Variants in MARCHF6 observed in about 807,000 individuals in gnomAD.
MARCHF6 encodes membrane associated ring-CH-type finger 6, also known as E3 ubiquitin-protein ligase MARCHF6.
In MARCHF6, 31 loss-of-function variants were observed where a neutral mutation model predicts 133.7. That is an observed-to-expected ratio of 0.23 (90% CI 0.17 to 0.31). MARCHF6 has a LOEUF of 0.31. Ranked by LOEUF, MARCHF6 falls within the 10% of genes least tolerant of loss-of-function variation. The probability of loss-of-function intolerance (pLI) is 1.00; values close to 1 mark genes in which losing one functional copy is unlikely to be tolerated. For synonymous variants in MARCHF6, 395 were observed against 402.5 expected (o/e 0.98, Z 0.22); for missense variants, 723 against 1,121.6 (o/e 0.64, Z 5.08).
chr5:10,354,305 C>T (rs1184751282), intron 1 of MARCHF6, among the ~76,000 whole-genome samples: 1 of 152,200 alleles, frequency 6.6e-6, no homozygotes, highest in Non-Finnish European at 1.5e-5. Flanking sequence ...TCTTTACGTC[C>T]TTCTGCCTAT....
chr5:10,365,441 C>T (rs1455451900), intron 1 of MARCHF6, among the ~76,000 whole-genome samples: 1 of 152,014 alleles, frequency 6.6e-6, no homozygotes, highest in Non-Finnish European at 1.5e-5. Flanking sequence ...GCTGGGATTA[C>T]AGGCATATGC....
At chr5:10,401,933 G>A (rs545056902) in intron 11 of MARCHF6, 126 bp from the exon 12 acceptor site, 1 of 643,766 alleles carries the variant, frequency 1.6e-6, no homozygotes, top group Non-Finnish European at 2.8e-6. Context: ...AGATTTTACA[G>A]TTGTTTCCTG....
intron 1 of MARCHF6, among the ~76,000 whole-genome samples, chr5:10,371,208 G>C (rs1398242935): frequency 1.3e-5 from 2 of 152,132 alleles, no homozygotes; most frequent in Admixed American, 1.3e-4. Flanking sequence ...CCTTAGTCTT[G>C]TGTGGCCTTA....
At chr5:10,392,058 A>G (rs927014544) in intron 7 of MARCHF6, among the ~76,000 whole-genome samples, 1 of 149,856 alleles carries the variant, frequency 6.7e-6, no homozygotes, top group Non-Finnish European at 1.5e-5. Flanking sequence ...TCCTGGGTTC[A>G]CGCCATTCTC....
intron 1 of MARCHF6, among the ~76,000 whole-genome samples, chr5:10,368,556 T>G (rs1736273746): frequency 6.6e-6 from 1 of 152,134 alleles, no homozygotes; most frequent in African/African-American, 2.4e-5. Flanking sequence ...GAGGATCACT[T>G]AAGCCCAGGA....
At chr5:10,405,134 C>A (rs1291388102) in intron 15 of MARCHF6, among the ~76,000 whole-genome samples, 17 of 152,310 alleles carry the variant, frequency 1.1e-4, no homozygotes, top group African/African-American at 3.6e-4. Flanking sequence ...TACCCAGACT[C>A]CTCCTTTACC....
At chr5:10,353,975 G>C in intron 1 of MARCHF6, 58 bp downstream of exon 1, 1 of 1,507,054 alleles carries the variant, frequency 6.6e-7, no homozygotes, top group Non-Finnish European at 8.8e-7. Flanking sequence ...TTCGTACCCC[G>C]GCCAGGTCCG....
At position 10,353,769 on chromosome 5, in the gene MARCHF6, T is replaced by C; in HGVS notation, c.-130T>C. 1 of 573,164 alleles carries C rather than the reference T, an allele frequency of 1.7e-6. No individual in the cohort carries two copies. Among genetic ancestry groups the C allele is most frequent in the Non-Finnish European group, 2.9e-6 (1 of 342,676 alleles). 35.5% of individuals were successfully genotyped at this position (573,164 alleles called of 1,614,324 possible). A position where few individuals can be genotyped will look rare whatever the true frequency, so the allele number is the denominator to read the frequency against. On this transcript the variant is annotated 5_prime_UTR_variant, in exon 1 of 26. Transcript: ENST00000274140. ...CCCTCTCCCTCTCCCCTCTCCTTCC[T>C]CTCGCTTCCTCTCTCGCACCTGAGC...
chr5:10,426,282 A>G, intron 23 of MARCHF6, 108 bp from the exon 24 acceptor site: 2 of 1,248,558 alleles, frequency 1.6e-6, no homozygotes, highest in South Asian at 2.8e-5. Flanking sequence ...AGAAGTAACC[A>G]GTTTGACTAT....
intron 12 of MARCHF6, 24 bp downstream of exon 12, chr5:10,402,163 G>A (rs762613435): frequency 1.4e-6 from 2 of 1,389,692 alleles, no homozygotes; most frequent in South Asian, 1.2e-5. Flanking sequence ...AACCAACTTG[G>A]GTGTACACTA....
intron 21 of MARCHF6, 144 bp downstream of exon 21, chr5:10,415,813 T>C: frequency 1.4e-6 from 1 of 696,068 alleles, no homozygotes; most frequent in East Asian, 2.7e-5. Context: ...GAAGAAATAC[T>C]CTTTCAAGAT....
chr5:10,417,922 C>T (rs1397426212), intron 22 of MARCHF6, among the ~76,000 whole-genome samples: 1 of 151,860 alleles, frequency 6.6e-6, no homozygotes, highest in Non-Finnish European at 1.5e-5. Flanking sequence ...TAAAATGTTA[C>T]TAACCATTTA....
chr5:10,395,597 A>G (rs1004901941), intron 9 of MARCHF6, among the ~76,000 whole-genome samples: 1 of 152,146 alleles, frequency 6.6e-6, no homozygotes. Flanking sequence ...ATATGAAGTT[A>G]TTTGCCATTT....
At chr5:10,390,742 A>T (rs910230954) in intron 6 of MARCHF6, among the ~76,000 whole-genome samples, 27 of 152,198 alleles carry the variant, frequency 1.8e-4, no homozygotes, top group African/African-American at 6.3e-4. Context: ...GGTATACTGA[A>T]GTCCATGTAC....
At chr5:10,382,536 A>G (rs1737215019) in intron 4 of MARCHF6, among the ~76,000 whole-genome samples, 2 of 151,074 alleles carry the variant, frequency 1.3e-5, no homozygotes, top group Admixed American at 1.3e-4. Context: ...CTTTAAAAAA[A>G]TACTCACATG....
Position 10,433,735 on chromosome 5 carries a change from G to A in MARCHF6, c.*51G>A. ...TCCCCTTTACATGTCCTTTTTTGTG[G>A]ACTTCTCTCTTTGGAGATTTTTCCC... On this transcript the variant is annotated 3_prime_UTR_variant, in exon 26 of 26. Transcript: ENST00000274140. 1 of 1,451,444 alleles carries A rather than the reference G, an allele frequency of 6.9e-7. No homozygotes were observed. Among genetic ancestry groups the A allele is most frequent in the Non-Finnish European group, 9.7e-7 (1 of 1,032,926 alleles). 89.9% of individuals were successfully genotyped at this position (1,451,444 alleles called of 1,614,324 possible).
intron 14 of MARCHF6, 126 bp from the exon 15 acceptor site, chr5:10,403,281 G>A: frequency 2.4e-6 from 2 of 825,014 alleles, no homozygotes; most frequent in Non-Finnish European, 3.8e-6. Context: ...ATGACATTAA[G>A]TGAACTGCAG....
intron 4 of MARCHF6, among the ~76,000 whole-genome samples, chr5:10,386,024 CTTA>C (rs1441982091): frequency 1.3e-5 from 2 of 150,592 alleles, no homozygotes; most frequent in East Asian, 1.9e-4. Flanking sequence ...GTTGTGCTGT[CTTA>C]TTTTTTTTTT....
At chr5:10,389,048 T>C (rs749891869) in intron 5 of MARCHF6, among the ~76,000 whole-genome samples, 22 of 152,144 alleles carry the variant, frequency 1.4e-4, no homozygotes, top group Non-Finnish European at 3.2e-4. Context: ...GCCATACCAG[T>C]TTAGTTTAAG....
Sources: gnomAD v4.1 joint callset for allele counts (sites outside exome capture counted in the v4.1 genomes callset) on GRCh38, gnomAD v4.1.1 for gene constraint, MANE v1.5 for transcripts, NCBI Gene and HGNC (gene_info 2026-07-23, HGNC 2026-07-21) for gene names.